ZMYND8: variants seen among roughly 807,000 people sequenced by gnomAD.
ZMYND8 encodes MYND-type zinc finger-containing chromatin reader ZMYND8.
ZMYND8 carries 37 observed loss-of-function variants against 140.8 expected under a neutral mutation model. That is an observed-to-expected ratio of 0.26 (90% CI 0.20 to 0.35). The LOEUF is 0.35. ZMYND8 is among the 10% of genes least tolerant of loss of function. ZMYND8 has a pLI of 1.00. For missense variants in ZMYND8, 1,068 were observed against 1,570.0 expected (o/e 0.68, Z 5.40); for synonymous variants, 592 against 597.1 (o/e 0.99, Z 0.12).
Position 47,248,977 on chromosome 20 carries a change from G to GAA in ZMYND8, c.1774+309_1774+310insTT, listed in dbSNP as rs10650105. Among the ~76,000 whole-genome samples, 77 of 152,022 alleles carry GAA rather than the reference G, an allele frequency of 5.1e-4. 2 individuals carry two copies. The East Asian group carries it at 0.013, about 26-fold the overall frequency. On this transcript the variant is annotated intron_variant, in intron 13 of 22. Coordinates refer to ENST00000471951, the MANE Select transcript of ZMYND8 (RefSeq NM_001281775.3). ...GTGTGGAGACACTGATGCGTACTGA[G>GAA]GAGAGCAGAGGCAAAACTCAGAGGA...
intron 21 of ZMYND8, among the ~76,000 whole-genome samples, 184 bp from the exon 22 acceptor site, chr20:47,212,909 A>T (rs746141814): frequency 3.9e-5 from 6 of 152,242 alleles, no homozygotes; most frequent in South Asian, 2.1e-4. Flanking sequence ...TTAAAAATGC[A>T]TATCAAACCA....
intron 2 of ZMYND8, among the ~76,000 whole-genome samples, chr20:47,322,320 A>C (rs189263436): frequency 2.5e-4 from 38 of 152,166 alleles, no homozygotes; most frequent in Admixed American, 1.6e-3. Flanking sequence ...AGGTGTGAGG[A>C]TAGACAGGGA....
chr20:47,310,691 CAGG>C (rs2078854701), intron 2 of ZMYND8, among the ~76,000 whole-genome samples: 2 of 148,414 alleles, frequency 1.3e-5, no homozygotes, highest in South Asian at 4.2e-4. Context: ...GAGGCTGAGG[CAGG>C]AGAACTGCTT....
chr20:47,255,645 A>C, intron 12 of ZMYND8, among the ~76,000 whole-genome samples: 1 of 138,132 alleles, frequency 7.2e-6, no homozygotes, highest in East Asian at 2.1e-4. Flanking sequence ...TATATATACC[A>C]TATACATATA....
intron 11 of ZMYND8, among the ~76,000 whole-genome samples, chr20:47,265,068 A>ATATATATATATATATATATATG (rs1555948705): frequency 0.036 from 5,245 of 143,760 alleles, 190 homozygotes; most frequent in Non-Finnish European, 0.056. Flanking sequence ...ATATATATAT[A>ATATATATATATATATATATATG]GGCATTTTAA....
At chr20:47,339,130 G>A (rs749556243) in intron 2 of ZMYND8, among the ~76,000 whole-genome samples, 2 of 151,664 alleles carry the variant, frequency 1.3e-5, no homozygotes, top group Admixed American at 6.6e-5. Flanking sequence ...CCACCTCCAC[G>A]CCCGGCTAAT....
At chr20:47,341,576 T>A (rs1293661989) in intron 2 of ZMYND8, among the ~76,000 whole-genome samples, 2 of 142,436 alleles carry the variant, frequency 1.4e-5, no homozygotes, top group Non-Finnish European at 3.0e-5. Flanking sequence ...CCAGTAGCAA[T>A]GAGCACACAC....
intron 12 of ZMYND8, among the ~76,000 whole-genome samples, chr20:47,250,328 A>G (rs2074068556): frequency 6.6e-6 from 1 of 152,136 alleles, no homozygotes; most frequent in Non-Finnish European, 1.5e-5. Context: ...AGAAAGCAAC[A>G]AGCAACTCTG....
At chr20:47,239,541 C>G (rs573677934) in intron 14 of ZMYND8, among the ~76,000 whole-genome samples, 25 of 152,260 alleles carry the variant, frequency 1.6e-4, no homozygotes, top group Middle Eastern at 3.4e-3. Flanking sequence ...AAGGGCCCAG[C>G]GGAAGTCAAT....
At chr20:47,220,354 C>G in intron 20 of ZMYND8, 30 bp from the exon 21 acceptor site, 1 of 1,533,196 alleles carries the variant, frequency 6.5e-7, no homozygotes, top group South Asian at 1.2e-5. Flanking sequence ...AAGATGGACT[C>G]AAGGCACTGA....
chr20:47,276,936 T>G, intron 10 of ZMYND8, 141 bp from the exon 11 acceptor site: 1 of 852,738 alleles, frequency 1.2e-6, no homozygotes, highest in Non-Finnish European at 1.6e-6. Context: ...AAAACTTGGT[T>G]TGAAGGATTA....
intron 7 of ZMYND8, 124 bp downstream of exon 7, chr20:47,290,063 A>G (rs2077160081): frequency 4.4e-6 from 4 of 905,654 alleles, no homozygotes; most frequent in African/African-American, 3.4e-5. Flanking sequence ...ATTCACATAT[A>G]TTAGCACAAT....
intron 3 of ZMYND8, among the ~76,000 whole-genome samples, chr20:47,299,729 G>A (rs1459723492): frequency 2.0e-5 from 3 of 152,040 alleles, no homozygotes; most frequent in Non-Finnish European, 4.4e-5. Context: ...GACTACAGGC[G>A]TGTGCCACCA....
intron 12 of ZMYND8, among the ~76,000 whole-genome samples, chr20:47,252,291 C>CAAAAAAAAAA: frequency 1.5e-5 from 1 of 68,944 alleles, no homozygotes; most frequent in Non-Finnish European, 2.6e-5. Flanking sequence ...GACTCTGTCT[C>CAAAAAAAAAA]AAAAAAAAAA....
At chr20:47,338,638 C>T (rs1210347437) in intron 2 of ZMYND8, among the ~76,000 whole-genome samples, 2 of 152,156 alleles carry the variant, frequency 1.3e-5, no homozygotes, top group Non-Finnish European at 2.9e-5. Flanking sequence ...CAGAAAGGTG[C>T]TCTGGAAACA....
intron 7 of ZMYND8, among the ~76,000 whole-genome samples, chr20:47,289,535 G>A (rs1265367773): frequency 2.0e-5 from 3 of 151,546 alleles, no homozygotes; most frequent in Non-Finnish European, 4.4e-5. Context: ...ATTCCTAACA[G>A]CCCAAAGCTA....
chr20:47,297,614 G>T (rs2148047503), intron 4 of ZMYND8, among the ~76,000 whole-genome samples: 1 of 152,056 alleles, frequency 6.6e-6, no homozygotes, highest in Middle Eastern at 3.4e-3. Context: ...TGTGGAGATG[G>T]GGGTCTCCCT....
chr20:47,231,223 T>G (rs1450029737), intron 16 of ZMYND8, among the ~76,000 whole-genome samples: 1 of 152,072 alleles, frequency 6.6e-6, no homozygotes, highest in Admixed American at 6.6e-5. Flanking sequence ...AGCTGACTCT[T>G]CCCCCATTAC....
chr20:47,292,031 G>A (rs1213208653), intron 5 of ZMYND8, 143 bp from the exon 6 acceptor site: 1 of 609,558 alleles, frequency 1.6e-6, no homozygotes, highest in Non-Finnish European at 2.6e-6. Context: ...TGACCGTGGG[G>A]AGCTCCAAAT....
Sources: gnomAD v4.1 joint callset for allele counts (sites outside exome capture counted in the v4.1 genomes callset) on GRCh38, gnomAD v4.1.1 for gene constraint, MANE v1.5 for transcripts, NCBI Gene and HGNC (gene_info 2026-07-23, HGNC 2026-07-21) for gene names.